Variants in UBE3C observed in about 807,000 individuals in gnomAD.
UBE3C encodes the protein ubiquitin-protein ligase E3C.
Under a neutral mutation model 129.4 loss-of-function variants are expected in UBE3C, and 42 were observed. The ratio of observed to expected loss-of-function variants is 0.32; its 90% CI spans 0.25 to 0.42. The LOEUF is 0.42. Among genes scored for constraint, UBE3C ranks in the 10% least tolerant of loss-of-function variants. UBE3C has a pLI of 1.00. For missense variants in UBE3C, 1,049 were observed against 1,319.1 expected, an observed-to-expected ratio of 0.80 and a Z score of 3.17; for synonymous variants, 510 against 492.4, an observed-to-expected ratio of 1.04 and a Z score of -0.47.
chr7:157,210,077 T>C (rs1266829576), intron 13 of UBE3C, among the ~76,000 whole-genome samples: 1 of 152,050 alleles, frequency 6.6e-6, no homozygotes, highest in Non-Finnish European at 1.5e-5. Flanking sequence ...CTAGGGAGGC[T>C]GGGGCAGGAG....
intron 13 of UBE3C, among the ~76,000 whole-genome samples, chr7:157,211,078 A>G (rs545863138): frequency 6.6e-6 from 1 of 152,082 alleles, no homozygotes; most frequent in Admixed American, 6.5e-5. Context: ...CACCAAACTT[A>G]ACAGGAGTTT....
intron 22 of UBE3C, among the ~76,000 whole-genome samples, chr7:157,262,492 C>T (rs902416696): frequency 6.0e-5 from 8 of 134,200 alleles, no homozygotes; most frequent in Non-Finnish European, 1.2e-4. Context: ...CATCTCAGCT[C>T]GCTGCAACCT....
intron 22 of UBE3C, among the ~76,000 whole-genome samples, chr7:157,265,263 C>T (rs1415597694): frequency 1.3e-5 from 2 of 152,252 alleles, no homozygotes; most frequent in African/African-American, 2.4e-5. Flanking sequence ...GATACTAAAT[C>T]TGCACAGGCT....
chr7:157,209,677 T>G (rs1035345436), intron 13 of UBE3C, among the ~76,000 whole-genome samples: 1 of 152,222 alleles, frequency 6.6e-6, no homozygotes, highest in African/African-American at 2.4e-5. Flanking sequence ...ATAATTTCAC[T>G]GTTTTATGGC....
chr7:157,217,542 A>G (rs987055628), intron 14 of UBE3C, among the ~76,000 whole-genome samples: 1 of 152,208 alleles, frequency 6.6e-6, no homozygotes, highest in Non-Finnish European at 1.5e-5. Flanking sequence ...ATACGTTAGT[A>G]AAAAATTTAA....
chr7:157,139,403 A>T, intron 1 of UBE3C, 65 bp downstream of exon 1: 1 of 1,432,086 alleles, frequency 7.0e-7, no homozygotes, highest in Non-Finnish European at 9.2e-7. Context: ...CGGGGCTGGG[A>T]CTCGGGGCTG....
At chr7:157,236,148 G>C (rs574021522) in intron 18 of UBE3C, among the ~76,000 whole-genome samples, 1 of 152,300 alleles carries the variant, frequency 6.6e-6, no homozygotes, top group African/African-American at 2.4e-5. Flanking sequence ...CTTGCTTCTG[G>C]TGTGGGTCAT....
At position 157,207,674 on chromosome 7, in the gene UBE3C, A is replaced by G. The variant is rs116504809; in HGVS notation, c.1577-29A>G. The stretch of plus-strand genomic sequence containing the variant: ...TGTGTGTTAAAAGATGGAAAAAGAA[A>G]CAATAGAAAACTGGATTGTGTTTTT... On this transcript the variant is annotated intron_variant, in intron 12 of 22. Transcript: ENST00000348165. 171 of 1,600,110 alleles carry G rather than the reference A, an allele frequency of 1.1e-4. No individual in the cohort carries two copies. The African/African-American group carries it at 2.2e-3, about 20-fold the overall frequency.
chr7:157,182,737 A>G (rs1563044713), intron 8 of UBE3C, among the ~76,000 whole-genome samples: 5 of 150,522 alleles, frequency 3.3e-5, no homozygotes, highest in Admixed American at 3.3e-4. Flanking sequence ...AAATGTGAAA[A>G]CCAAACTTTT....
Position 157,182,114 on chromosome 7 carries a change from A to G in UBE3C, c.777A>G (p.Gln259=), listed in dbSNP as rs773352760. Residue 259 remains glutamine, a synonymous_variant, in exon 8 of 23, where the codon CAA becomes CAG. Coordinates refer to ENST00000348165, the MANE Select transcript of UBE3C (RefSeq NM_014671.3). Reference sequence around the variant, plus strand: ...TTCTGTTTTTCTTTTTCAGGCAACAAGTTTTTACAGCCTTCACAGAGGAGT... The same window carrying G: ...TTCTGTTTTTCTTTTTCAGGCAACAGGTTTTTACAGCCTTCACAGAGGAGT... ...YNSCPEGARQ[Q]VFTAFTEEFL... 3.8e-6 allele frequency: 6 copies of G among 1,558,444 alleles called. No individual in the cohort carries two copies. The highest frequency in any genetic ancestry group is 2.2e-5 in the Admixed American group (1 of 45,504).
At chr7:157,166,652 A>G (rs568822642) in intron 2 of UBE3C, among the ~76,000 whole-genome samples, 1 of 151,272 alleles carries the variant, frequency 6.6e-6, no homozygotes, top group East Asian at 2.0e-4. Context: ...AGGCAGGAGA[A>G]TTGCTTGAAC....
Position 157,248,556 on chromosome 7 carries a change from G to T in UBE3C, c.2670G>T (p.Val890=). Residue 890 remains valine (V), a synonymous_variant, in exon 19 of 23, where the codon GTG becomes GTT. Coordinates refer to ENST00000348165, the MANE Select transcript of UBE3C (RefSeq NM_014671.3). ...AGCTTGGGCTGAACTTCACTGTGGT[G>T]AACAATGACCTGGGAGAGGCGCAGG... is the stretch of plus-strand genomic sequence containing the variant. ...VEELGLNFTV[V]NNDLGEAQVV... The T allele has an allele frequency of 6.2e-7, 1 of 1,612,500 alleles. No individual in the cohort carries two copies. Among genetic ancestry groups the T allele is most frequent in the South Asian group, 1.1e-5 (1 of 90,974 alleles).
At chr7:157,198,192 C>T (rs1809176969) in intron 10 of UBE3C, 28 of 1,589,128 alleles carry the variant, frequency 1.8e-5, no homozygotes, top group Non-Finnish European at 2.2e-5. Flanking sequence ...CTGATTTTCT[C>T]CATGCATATA....
In UBE3C at chr7:157,268,240, AT is replaced by A. The variant is rs903735099; in HGVS notation, c.*495del. 2.7e-5 allele frequency: 4 copies of A among 150,130 alleles called. No individual in the cohort carries two copies. The highest frequency in any genetic ancestry group is 1.9e-4 in the East Asian group (1 of 5,142). The allele number at this position is 150,130 out of a possible 1,614,324, so 9.3% of individuals were successfully genotyped here. On this transcript the variant is annotated 3_prime_UTR_variant, in exon 23 of 23. Transcript: ENST00000348165. ...AAGCCTCATTATTAAAACTGAAGGCATTTTTTTTTTCTGCTGCCTTTCCCAA... is the reference window on the plus strand; with the variant it reads ...AAGCCTCATTATTAAAACTGAAGGCATTTTTTTTTCTGCTGCCTTTCCCAA...
chr7:157,221,545 A>C (rs192207184), intron 15 of UBE3C: 13 of 152,398 alleles, frequency 8.5e-5, no homozygotes, highest in African/African-American at 3.1e-4. Context: ...GTTCAAGACC[A>C]GCCTGACCAA....
chr7:157,157,772 T>A (rs1807952336), intron 1 of UBE3C, among the ~76,000 whole-genome samples: 1 of 152,084 alleles, frequency 6.6e-6, no homozygotes, highest in Non-Finnish European at 1.5e-5. Flanking sequence ...GTCAACAGTT[T>A]GAGACCAGCC....
At chr7:157,239,491 C>G (rs2116657099) in intron 18 of UBE3C, among the ~76,000 whole-genome samples, 1 of 152,256 alleles carries the variant, frequency 6.6e-6, no homozygotes, top group African/African-American at 2.4e-5. Flanking sequence ...ATTTTCTGCG[C>G]TGTGGACTAA....
At chr7:157,243,604 TC>T (rs1362783739) in intron 18 of UBE3C, among the ~76,000 whole-genome samples, 5 of 152,194 alleles carry the variant, frequency 3.3e-5, no homozygotes, top group Admixed American at 6.5e-5. Flanking sequence ...CTGCTGCTGT[TC>T]CTGCATGTGA....
Position 157,225,497 on chromosome 7 carries a change from T to G in UBE3C, c.2191T>G (p.Tyr731Asp). ...AATTAATGTCACAATAAGAAGAAAT[T>G]ACATTTATGAAGATGCTTATGACAA... ...DGINVTIRRN[Y>D]IYEDAYDKLS... The change falls in exon 17 of 23, where the codon TAC becomes GAC. Residue 731 changes from tyrosine to aspartate, a missense_variant. Coordinates refer to ENST00000348165, the MANE Select transcript of UBE3C (RefSeq NM_014671.3). 6.2e-7 allele frequency: 1 copy of G among 1,601,330 alleles called. No homozygotes were observed.
Sources: allele counts gnomAD v4.1 joint callset (sites outside exome capture counted in the v4.1 genomes callset), GRCh38; gene constraint gnomAD v4.1.1; transcripts MANE v1.5; gene names NCBI Gene and HGNC (gene_info 2026-07-23, HGNC 2026-07-21).